The following PPIL4 variants were observed in gnomAD, a reference collection of about 807,000 sequenced individuals.
The protein encoded by PPIL4 is peptidylprolyl isomerase like 4, also known as peptidyl-prolyl cis-trans isomerase-like 4.
In PPIL4, 50 loss-of-function variants were observed where a neutral mutation model predicts 69.1. That is an observed-to-expected ratio of 0.72 (90% confidence interval 0.58 to 0.92). The LOEUF (loss-of-function observed/expected upper bound fraction) is 0.92, where lower values mean the gene tolerates loss of function less well. Ranked by LOEUF, PPIL4 falls within the 40% of genes least tolerant of loss-of-function variation. The pLI is 0.00. For synonymous variants in PPIL4, 193 were observed against 191.6 expected (o/e 1.01, Z -0.06); for missense variants, 480 against 587.9 (o/e 0.82, Z 1.90).
At chr6:149,540,772 A>G (rs73781223) in intron 4 of PPIL4, among the ~76,000 whole-genome samples, 170 bp downstream of exon 4, 1 of 152,206 alleles carries the variant, frequency 6.6e-6, no homozygotes, top group Non-Finnish European at 1.5e-5. Flanking sequence ...CTTTACATTT[A>G]AAAGAAGAAA....
intron 6 of PPIL4, 48 bp from the exon 7 acceptor site, chr6:149,533,622 T>C (rs772281732): frequency 1.4e-5 from 15 of 1,068,456 alleles, no homozygotes; most frequent in Non-Finnish European, 2.1e-5. Flanking sequence ...AATAAAAAAA[T>C]CTGAGAAACA....
intron 12 of PPIL4, 110 bp from the exon 13 acceptor site, chr6:149,505,814 C>T: frequency 1.1e-6 from 1 of 898,290 alleles, no homozygotes; most frequent in East Asian, 2.5e-5. Flanking sequence ...GTTATAACAG[C>T]TTAAATGTGA....
chr6:149,510,910 ATT>A (rs1227466113), intron 12 of PPIL4, among the ~76,000 whole-genome samples: 1 of 152,034 alleles, frequency 6.6e-6, no homozygotes, highest in Non-Finnish European at 1.5e-5. Flanking sequence ...TTGCACACGC[ATT>A]TTTTTCACTG....
Position 149,535,659 on chromosome 6 carries a change from T to C in PPIL4, c.401A>G (p.Asp134Gly). The change falls in exon 5 of 13, where the codon GAC becomes GGC. Residue 134 changes from aspartate (D) to glycine (G), a missense_variant. Transcript: ENST00000253329. ...GGTCTCATTAATTTTCTTAATTATG[T>C]CCATGCCTTCTGTCACCTCACCAAA... is the stretch of plus-strand genomic sequence containing the variant. ...TVFGEVTEGM[D>G]IIKKINETFV... 2 of 1,611,550 alleles carry C rather than the reference T, an allele frequency of 1.2e-6. No homozygotes were observed. Among genetic ancestry groups the C allele is most frequent in the South Asian group, 2.2e-5 (2 of 91,020 alleles).
rs1487491098 is a variant in PPIL4, at chr6:149,525,195, C to T, written c.818G>A (p.Arg273Gln). The stretch of plus-strand genomic sequence containing the variant: ...GAGGGACTCTCCTGTCTTCCAGTCT[C>T]GGATAACTTCACAACTGAAAGAAAG... ...FGPIRSCEVI[R>Q]DWKTGESLCY... Residue 273 changes from arginine to glutamine, a missense_variant, in exon 9 of 13, where the codon CGA becomes CAA. Arg to Gln is a conservative substitution (Grantham distance 43, BLOSUM62 1). Coordinates refer to ENST00000253329, the MANE Select transcript of PPIL4 (RefSeq NM_139126.4). 2.6e-6 allele frequency: 4 copies of T among 1,547,594 alleles called. No homozygotes were observed. The highest frequency in any genetic ancestry group is 2.8e-5 in the African/African-American group (2 of 71,760).
intron 12 of PPIL4, 133 bp downstream of exon 12, chr6:149,512,022 A>G: frequency 1.6e-6 from 1 of 622,130 alleles, no homozygotes; most frequent in East Asian, 2.8e-5. Context: ...CAGTGCAACC[A>G]TTCTGCTTCT....
intron 12 of PPIL4, among the ~76,000 whole-genome samples, chr6:149,506,187 A>C (rs1434803298): frequency 1.3e-5 from 2 of 152,202 alleles, no homozygotes; most frequent in Non-Finnish European, 2.9e-5. Context: ...GTCTTAAATA[A>C]GAAAATGGAG....
At chr6:149,540,624 A>T (rs1237370547) in intron 4 of PPIL4, among the ~76,000 whole-genome samples, 20 of 152,214 alleles carry the variant, frequency 1.3e-4, no homozygotes, top group Admixed American at 1.3e-3. Context: ...TCATAAAAAT[A>T]AATTAATTAA....
At chr6:149,515,087 CT>C (rs1042029012) in intron 11 of PPIL4, among the ~76,000 whole-genome samples, 1 of 152,062 alleles carries the variant, frequency 6.6e-6, no homozygotes, top group Non-Finnish European at 1.5e-5. Flanking sequence ...ATCTGCCCGC[CT>C]CGGCCTCCCA....
At chr6:149,528,902 C>T (rs890508353) in intron 7 of PPIL4, among the ~76,000 whole-genome samples, 5 of 152,148 alleles carry the variant, frequency 3.3e-5, no homozygotes, top group African/African-American at 1.2e-4. Context: ...TGTGATACAT[C>T]CATACAATGA....
At chr6:149,525,284 G>A in intron 8 of PPIL4, 75 bp from the exon 9 acceptor site, 2 of 715,386 alleles carry the variant, frequency 2.8e-6, no homozygotes, top group South Asian at 1.9e-5. Flanking sequence ...CTTCAAAACT[G>A]AAGAAGAAAT....
At chr6:149,530,573 C>A (rs559951872) in intron 7 of PPIL4, among the ~76,000 whole-genome samples, 1 of 151,518 alleles carries the variant, frequency 6.6e-6, no homozygotes, top group Non-Finnish European at 1.5e-5. Context: ...GCAGGAGAAT[C>A]GCTTAAACCT....
At chr6:149,518,440 T>C (rs1421090307) in intron 10 of PPIL4, among the ~76,000 whole-genome samples, 3 of 152,170 alleles carry the variant, frequency 2.0e-5, no homozygotes, top group African/African-American at 7.2e-5. Flanking sequence ...AGAAGGGTCC[T>C]AGATTAAATG....
intron 12 of PPIL4, among the ~76,000 whole-genome samples, chr6:149,511,065 C>T (rs1427980566): frequency 3.9e-5 from 6 of 152,000 alleles, no homozygotes; most frequent in African/African-American, 1.2e-4. Context: ...ATCCTTGACT[C>T]TGCCTATCAT....
intron 12 of PPIL4, among the ~76,000 whole-genome samples, chr6:149,506,068 G>C (rs892370425): frequency 3.3e-5 from 5 of 152,020 alleles, no homozygotes; most frequent in African/African-American, 1.2e-4. Context: ...CCCCCAAAAC[G>C]TGGTCCCATT....
intron 6 of PPIL4, among the ~76,000 whole-genome samples, chr6:149,533,807 C>A (rs989723840): frequency 3.3e-5 from 5 of 151,990 alleles, no homozygotes; most frequent in African/African-American, 1.2e-4. Flanking sequence ...AACTTATAAA[C>A]CTCCAAGAAT....
rs764800164 is a variant in PPIL4, at chr6:149,540,954, T to G, written c.309A>C (p.Gln103His). The change falls in exon 4 of 13, where the codon CAA (glutamine) becomes CAC (histidine). Residue 103 changes from glutamine (Q) to histidine (H), a missense_variant. Coordinates refer to ENST00000253329, the MANE Select transcript of PPIL4 (RefSeq NM_139126.4). ...CTCATTTCCTAACCTGAGATCCATG[T>G]TGATCACTGCCATTATTCACCATGG... The part of the protein sequence containing the change: ...TVSMVNNGSD[Q>H]HGSQFLITTG... 12 of 1,591,634 alleles carry G rather than the reference T, an allele frequency of 7.5e-6. No individual in the cohort carries two copies. Among genetic ancestry groups the G allele is most frequent in the Admixed American group, 1.7e-5 (1 of 59,926 alleles).
rs1436911870 is a variant in PPIL4, at chr6:149,541,535, A to C, written c.122T>G (p.Leu41Arg). Reference sequence around the variant, plus strand: ...CCAACTCACCTGTACATTGTGAATAAGGCAATAATTGTAATATTTTATTTT... The same window carrying C: ...CCAACTCACCTGTACATTGTGAATACGGCAATAATTGTAATATTTTATTTT... Reference protein sequence around the residue: ...LCKIKYYNYCLIHNVQRDFII... With the variant: ...LCKIKYYNYCRIHNVQRDFII... Residue 41 changes from leucine to arginine, a missense_variant, in exon 2 of 13, where the codon CTT (leucine) becomes CGT (arginine). Coordinates refer to ENST00000253329, the MANE Select transcript of PPIL4 (RefSeq NM_139126.4). The C allele has an allele frequency of 6.3e-7, 1 of 1,586,518 alleles. No homozygotes were observed. The highest frequency in any genetic ancestry group is 8.6e-7 in the Non-Finnish European group (1 of 1,156,074).
At chr6:149,536,176 C>A (rs1777272599) in intron 4 of PPIL4, among the ~76,000 whole-genome samples, 1 of 152,166 alleles carries the variant, frequency 6.6e-6, no homozygotes, top group South Asian at 2.1e-4. Flanking sequence ...TGAACTTAAT[C>A]CATAAATGTT....
Sources: gnomAD v4.1 joint callset for allele counts (sites outside exome capture counted in the v4.1 genomes callset) on GRCh38, gnomAD v4.1.1 for gene constraint, MANE v1.5 for transcripts, NCBI Gene and HGNC (gene_info 2026-07-23, HGNC 2026-07-21) for gene names.